OPA1: variants seen among roughly 807,000 people sequenced by gnomAD.
OPA1 encodes the protein dynamin-like GTPase OPA1, mitochondrial.
In OPA1, 59 loss-of-function variants were observed where a neutral mutation model predicts 152.9. That is an observed-to-expected ratio of 0.39 (90% CI 0.31 to 0.48). The LOEUF is 0.48. OPA1 is among the 20% of genes least tolerant of loss of function. OPA1 has a pLI of 0.96. For synonymous variants in OPA1, 400 were observed against 389.9 expected (o/e 1.03, Z -0.31); for missense variants, 1,008 against 1,216.8 (o/e 0.83, Z 2.55).
At chr3:193,685,908 C>T (rs1336169912) in intron 29 of OPA1, among the ~76,000 whole-genome samples, 2 of 152,146 alleles carry the variant, frequency 1.3e-5, no homozygotes, top group African/African-American at 4.8e-5. Flanking sequence ...TGTGACTTAT[C>T]CAGTTATGAG....
chr3:193,657,052 T>C (rs919347353), intron 22 of OPA1, 28 bp from the exon 23 acceptor site: 3 of 1,594,338 alleles, frequency 1.9e-6, no homozygotes, highest in Admixed American at 1.8e-5. Context: ...AGTAATAATA[T>C]GGCTTTTTTT....
chr3:193,670,446 C>T (rs1006466995), intron 29 of OPA1, among the ~76,000 whole-genome samples: 11 of 150,096 alleles, frequency 7.3e-5, no homozygotes, highest in African/African-American at 2.7e-4. Context: ...AGTGCAGTGG[C>T]ACGATCTCGG....
At chr3:193,674,849 A>AC (rs112309724) in intron 29 of OPA1, among the ~76,000 whole-genome samples, 5,207 of 152,208 alleles carry the variant, frequency 0.034, 329 homozygotes, top group African/African-American at 0.12. Context: ...CGGAATTTGG[A>AC]ACTGAAAAGT....
intron 29 of OPA1, among the ~76,000 whole-genome samples, chr3:193,689,321 C>T (rs1027832057): frequency 2.6e-5 from 4 of 152,198 alleles, no homozygotes; most frequent in African/African-American, 7.2e-5. Context: ...CCTCCGTTCA[C>T]ACCTCCTACC....
intron 29 of OPA1, among the ~76,000 whole-genome samples, chr3:193,670,641 T>C (rs941718569): frequency 1.3e-5 from 2 of 152,088 alleles, no homozygotes; most frequent in South Asian, 4.2e-4. Flanking sequence ...GCTGGAATTA[T>C]AGGCATGAGC....
intron 30 of OPA1, among the ~76,000 whole-genome samples, chr3:193,692,658 T>C (rs888524076): frequency 1.3e-5 from 2 of 152,262 alleles, no homozygotes; most frequent in African/African-American, 4.8e-5. Flanking sequence ...TCTTGTCTGA[T>C]TCTGCTTTCT....
chr3:193,684,597 C>A lies in OPA1; in HGVS notation c.2984-7466C>A, dbSNP rs539912729. Among the ~76,000 whole-genome samples the A allele has an allele frequency of 3.3e-5, 5 of 151,748 alleles. No homozygotes were observed. In the East Asian group the frequency reaches 7.8e-4, roughly 24 times the overall value. ...TCCCAGGTAGCTGGGATTACAGGCGCCCGCCACTACGCCCGGCTAATTTTT... is the reference window on the plus strand; with the variant it reads ...TCCCAGGTAGCTGGGATTACAGGCGACCGCCACTACGCCCGGCTAATTTTT... On this transcript the variant is annotated intron_variant, in intron 29 of 30. Coordinates refer to ENST00000361510, the MANE Select transcript of OPA1 (RefSeq NM_130837.3).
At chr3:193,630,213 A>G (rs957661696) in intron 7 of OPA1, among the ~76,000 whole-genome samples, 19 of 152,200 alleles carry the variant, frequency 1.2e-4, no homozygotes, top group Non-Finnish European at 2.5e-4. Context: ...TCCATCCTGC[A>G]TAAACACACA....
At chr3:193,607,578 T>C (rs528190268) in intron 1 of OPA1, among the ~76,000 whole-genome samples, 25 of 152,340 alleles carry the variant, frequency 1.6e-4, no homozygotes, top group Admixed American at 3.9e-4. Flanking sequence ...TAGTTGTAGA[T>C]ATGCGGCGTT....
intron 29 of OPA1, among the ~76,000 whole-genome samples, chr3:193,688,299 C>T (rs201387094): frequency 6.6e-6 from 1 of 151,948 alleles, no homozygotes; most frequent in Non-Finnish European, 1.5e-5. Flanking sequence ...AGGGGCTTCT[C>T]CAAGTGTGCG....
intron 9 of OPA1, 46 bp downstream of exon 9, chr3:193,635,568 CGTT>C (rs1732804319): frequency 8.9e-7 from 1 of 1,119,536 alleles, no homozygotes; most frequent in East Asian, 2.4e-5. Context: ...TACCGCTTAA[CGTT>C]GTGTGTTCAT....
At chr3:193,599,431 T>G (rs1320092847) in intron 1 of OPA1, among the ~76,000 whole-genome samples, 3 of 151,972 alleles carry the variant, frequency 2.0e-5, no homozygotes, top group African/African-American at 7.2e-5. Flanking sequence ...TTGGTTTTCT[T>G]TTTGGTTTCT....
rs755170922 is a variant in OPA1, at chr3:193,631,631, T to C, written c.809T>C (p.Ile270Thr). The C allele has an allele frequency of 6.8e-6, 11 of 1,612,052 alleles. No homozygotes were observed. Among genetic ancestry groups the C allele is most frequent in the South Asian group, 2.2e-5 (2 of 90,942 alleles). ...QKRKVSDKEK[I>T]DQLQEELLHT... ...ATTTAGGTGTCAGACAAAGAGAAAATTGACCAACTTCAGGAAGAACTTCTG... is the reference window on the plus strand; with the variant it reads ...ATTTAGGTGTCAGACAAAGAGAAAACTGACCAACTTCAGGAAGAACTTCTG... The change falls in exon 8 of 31, where the codon ATT becomes ACT. Residue 270 changes from isoleucine (I) to threonine (T), a missense_variant. Physicochemically the swap from Ile to Thr is moderately conservative, Grantham distance 89. Around this residue, in one of 7 missense-constraint regions of OPA1, gnomAD observed 408 missense variants for 395.1 expected, o/e 1.03. Coordinates refer to ENST00000361510, the MANE Select transcript of OPA1 (RefSeq NM_130837.3).
chr3:193,614,800 C>T lies in OPA1; in HGVS notation c.110C>T (p.Ser37Leu), dbSNP rs149756039. Residue 37 changes from serine to leucine, a missense_variant, in exon 2 of 31, where the codon TCA becomes TTA. Physicochemically the swap from Ser to Leu is moderately radical, Grantham distance 145 (BLOSUM62 -2). Transcript: ENST00000361510. ...SLPLQKLHLV[S>L]RSIYHSHHPT... ...CCACTACAAAAACTACATCTGGTTTCACGAAGCATTTATCATTCACATCAT... is the reference window on the plus strand; with the variant it reads ...CCACTACAAAAACTACATCTGGTTTTACGAAGCATTTATCATTCACATCAT... 1.9e-6 allele frequency: 3 copies of T among 1,606,706 alleles called. No homozygotes were observed. Among genetic ancestry groups the T allele is most frequent in the Non-Finnish European group, 2.6e-6 (3 of 1,173,424 alleles).
At chr3:193,672,342 G>A (rs1040091367) in intron 29 of OPA1, among the ~76,000 whole-genome samples, 66 of 152,118 alleles carry the variant, frequency 4.3e-4, no homozygotes, top group African/African-American at 1.6e-3. Flanking sequence ...AGTAGTGTTT[G>A]CTGCTAAGCC....
At chr3:193,601,449 A>G (rs374958801) in intron 1 of OPA1, among the ~76,000 whole-genome samples, 47 of 152,326 alleles carry the variant, frequency 3.1e-4, no homozygotes, top group African/African-American at 9.1e-4. Flanking sequence ...CACAGACCCA[A>G]TAGAGACCCT....
chr3:193,650,430 T>C (rs1712117473), intron 21 of OPA1, among the ~76,000 whole-genome samples: 1 of 152,184 alleles, frequency 6.6e-6, no homozygotes, highest in African/African-American at 2.4e-5. Flanking sequence ...TTCAAGTACA[T>C]TACACCCCAA....
intron 1 of OPA1, among the ~76,000 whole-genome samples, chr3:193,598,635 G>A (rs985021640): frequency 2.6e-5 from 4 of 152,156 alleles, no homozygotes; most frequent in African/African-American, 9.7e-5. Context: ...TTATTGAAAC[G>A]ATGAACCGCA....
intron 1 of OPA1, among the ~76,000 whole-genome samples, chr3:193,595,936 A>G (rs1435405644): frequency 6.6e-6 from 1 of 152,158 alleles, no homozygotes; most frequent in Non-Finnish European, 1.5e-5. Flanking sequence ...CATATACCCT[A>G]TGTATATATG....
Sources: allele counts gnomAD v4.1 joint callset (sites outside exome capture counted in the v4.1 genomes callset), GRCh38; gene constraint gnomAD v4.1.1; regional missense constraint gnomAD v4.1.1; transcripts MANE v1.5; gene names NCBI Gene and HGNC (gene_info 2026-07-23, HGNC 2026-07-21).